CNKSR2: variants seen among roughly 807,000 people sequenced by gnomAD.
The protein encoded by CNKSR2 is CNK homolog protein 2.
CNKSR2 carries 14 observed loss-of-function variants against 84.4 expected under a neutral mutation model. That is an observed-to-expected ratio of 0.17 (90% CI 0.11 to 0.26). The LOEUF (loss-of-function observed/expected upper bound fraction) is 0.26, where lower values mean the gene tolerates loss of function less well. Among genes scored for constraint, CNKSR2 ranks in the 10% least tolerant of loss-of-function variants. The pLI is 1.00. For synonymous variants in CNKSR2, 275 were observed against 277.9 expected (o/e 0.99, Z 0.10); for missense variants, 485 against 771.2 (o/e 0.63, Z 4.40).
intron 4 of CNKSR2, among the ~76,000 whole-genome samples, chrX:21,466,728 G>T (rs1306912880): frequency 9.0e-6 from 1 of 111,098 alleles, no homozygotes; most frequent in African/African-American, 3.3e-5. Context: ...GGGATTACAG[G>T]CATGTGCCAC....
At chrX:21,496,835 G>T (rs1206327629) in intron 6 of CNKSR2, among the ~76,000 whole-genome samples, 1 of 111,158 alleles carries the variant, frequency 9.0e-6, no homozygotes, top group Non-Finnish European at 1.9e-5. Context: ...TATGAAGTAA[G>T]TATTTTGAAA....
At chrX:21,419,827 C>A (rs185723357) in intron 1 of CNKSR2, among the ~76,000 whole-genome samples, 18 of 112,665 alleles carry the variant, frequency 1.6e-4, no homozygotes, top group South Asian at 1.5e-3. Context: ...ACCACCATGA[C>A]TGTGCTGGGT....
chrX:21,631,429 A>T (rs1369409734), intron 20 of CNKSR2, among the ~76,000 whole-genome samples: 1 of 112,531 alleles, frequency 8.9e-6, no homozygotes, highest in East Asian at 2.8e-4. Flanking sequence ...TTTTCCTTCG[A>T]AGTTCTACTT....
At chrX:21,617,151 C>G (rs965052214) in intron 20 of CNKSR2, among the ~76,000 whole-genome samples, 4 of 111,240 alleles carry the variant, frequency 3.6e-5, no homozygotes, top group African/African-American at 1.3e-4. Flanking sequence ...TTCAGCCACA[C>G]TGTTATCTGC....
intron 13 of CNKSR2, among the ~76,000 whole-genome samples, chrX:21,585,839 T>C (rs1303566363): frequency 9.0e-6 from 1 of 111,529 alleles, no homozygotes; most frequent in Non-Finnish European, 1.9e-5. Context: ...AGAAAGATTT[T>C]AATAAATGAT....
intron 11 of CNKSR2, among the ~76,000 whole-genome samples, chrX:21,556,581 G>T (rs1360573330): frequency 9.0e-6 from 1 of 110,791 alleles, no homozygotes; most frequent in Non-Finnish European, 1.9e-5. Context: ...TTTCAAGGAA[G>T]GAGTAGTACT....
chrX:21,378,952 C>A (rs1346459356), intron 1 of CNKSR2, among the ~76,000 whole-genome samples: 1 of 112,025 alleles, frequency 8.9e-6, no homozygotes, highest in East Asian at 2.8e-4. Flanking sequence ...CTACTCTTTC[C>A]TGTTTACTAT....
intron 13 of CNKSR2, among the ~76,000 whole-genome samples, chrX:21,575,244 C>CA (rs1033203252): frequency 7.2e-5 from 8 of 111,089 alleles, no homozygotes; most frequent in African/African-American, 2.3e-4. Flanking sequence ...TGCTAGTCCA[C>CA]AAAAAATTAG....
intron 18 of CNKSR2, among the ~76,000 whole-genome samples, chrX:21,605,362 T>G (rs2147276534): frequency 8.9e-6 from 1 of 112,669 alleles, no homozygotes; most frequent in African/African-American, 3.2e-5. Flanking sequence ...TTTGCTTATC[T>G]TTTACTCAAA....
chrX:21,524,051 T>A (rs755029318), intron 9 of CNKSR2, among the ~76,000 whole-genome samples: 13 of 110,946 alleles, frequency 1.2e-4, no homozygotes, highest in East Asian at 1.1e-3. Flanking sequence ...CTAGTTTTTT[T>A]AATATGAGTC....
chrX:21,558,169 A>T (rs1415461734), intron 11 of CNKSR2, among the ~76,000 whole-genome samples: 1 of 111,232 alleles, frequency 9.0e-6, no homozygotes, highest in Non-Finnish European at 1.9e-5. Context: ...TTCAAGCTGT[A>T]ATCAATGATC....
chrX:21,516,690 A>T, intron 9 of CNKSR2, 59 bp downstream of exon 9: 1 of 1,036,657 alleles, frequency 9.6e-7, no homozygotes, highest in East Asian at 3.1e-5. Context: ...TATCTCAGTA[A>T]TGCTTCTTTA....
chrX:21,572,468 C>T (rs1049249159), intron 13 of CNKSR2, among the ~76,000 whole-genome samples: 7 of 111,843 alleles, frequency 6.3e-5, no homozygotes, highest in Non-Finnish European at 5.6e-5. Flanking sequence ...CATTCTTATA[C>T]TGCTATAAGG....
chrX:21,606,291 AT>A (rs2092516319), intron 18 of CNKSR2, among the ~76,000 whole-genome samples: 1 of 112,220 alleles, frequency 8.9e-6, no homozygotes, highest in Non-Finnish European at 1.9e-5. Context: ...TTGTTAGATA[AT>A]CAGTGAACTG....
chrX:21,589,111 ATATGTGTGTGTG>A (rs2147246173), intron 13 of CNKSR2, among the ~76,000 whole-genome samples: 1 of 112,423 alleles, frequency 8.9e-6, no homozygotes, highest in South Asian at 3.6e-4. Context: ...GCAAAGTTTG[ATATGTGTGTGTG>A]TATGTGTGTA....
intron 1 of CNKSR2, among the ~76,000 whole-genome samples, chrX:21,409,258 AT>A (rs2090309335): frequency 3.6e-5 from 3 of 83,648 alleles, no homozygotes; most frequent in African/African-American, 1.3e-4. Flanking sequence ...ATATATATAT[AT>A]ATATATATAT....
At chrX:21,637,870 A>ACT (rs1321184069) in intron 20 of CNKSR2, among the ~76,000 whole-genome samples, 1 of 111,108 alleles carries the variant, frequency 9.0e-6, no homozygotes, top group Non-Finnish European at 1.9e-5. Flanking sequence ...AAACAATTCT[A>ACT]CTCTCCCAGG....
chrX:21,545,278 G>A (rs890161804), intron 11 of CNKSR2, among the ~76,000 whole-genome samples: 3 of 111,958 alleles, frequency 2.7e-5, no homozygotes, highest in Non-Finnish European at 5.6e-5. Flanking sequence ...TGGGAAATTC[G>A]AACTGGGCGG....
intron 8 of CNKSR2, among the ~76,000 whole-genome samples, chrX:21,513,339 G>A (rs1335702221): frequency 2.7e-5 from 3 of 111,783 alleles, no homozygotes; most frequent in Non-Finnish European, 5.7e-5. Flanking sequence ...AGGCAGAGAT[G>A]TAACGGAACC....
Sources: gnomAD v4.1 joint callset for allele counts (sites outside exome capture counted in the v4.1 genomes callset) on GRCh38, gnomAD v4.1.1 for gene constraint, MANE v1.5 for transcripts, NCBI Gene and HGNC (gene_info 2026-07-23, HGNC 2026-07-21) for gene names.